Variants in IGF2BP3 observed in about 807,000 individuals in gnomAD.
IGF2BP3 encodes insulin like growth factor 2 mRNA binding protein 3, also known as insulin-like growth factor 2 mRNA-binding protein 3.
Under a neutral mutation model 73.8 loss-of-function variants are expected in IGF2BP3, and 9 were observed. That is an observed-to-expected ratio of 0.12 (90% CI 0.07 to 0.21). The LOEUF (loss-of-function observed/expected upper bound fraction) is 0.21, where lower values mean the gene tolerates loss of function less well. Among genes scored for constraint, IGF2BP3 ranks in the 10% least tolerant of loss-of-function variants. The pLI is 1.00. For synonymous variants in IGF2BP3, 258 were observed against 256.7 expected, an observed-to-expected ratio of 1.01 and a Z score of -0.05; for missense variants, 542 against 714.0, an observed-to-expected ratio of 0.76 and a Z score of 2.75.
chr7:23,401,323 G>A (rs1786655759), intron 3 of IGF2BP3, among the ~76,000 whole-genome samples: 2 of 152,258 alleles, frequency 1.3e-5, no homozygotes, highest in Admixed American at 6.5e-5. Flanking sequence ...CAACATCATG[G>A]CTGCCAGCAT....
In IGF2BP3 at chr7:23,317,595, G is replaced by T. The variant is rs140128712; in HGVS notation, c.1395+44C>A. 4.6e-4 allele frequency: 663 copies of T among 1,443,070 alleles called. 5 individuals carry two copies. The African/African-American group carries it at 8.2e-3, about 18-fold the overall frequency. 89.4% of individuals were successfully genotyped at this position (1,443,070 alleles called of 1,614,324 possible). ...AGACGCCAGGTTATGGACTACCTGT[G>T]CATTTGTTACCTGTGGACATAGCAC... On this transcript the variant is annotated intron_variant, in intron 12 of 14. Coordinates refer to ENST00000258729, the MANE Select transcript of IGF2BP3 (RefSeq NM_006547.3).
At chr7:23,454,398 G>A (rs1788268411) in intron 2 of IGF2BP3, among the ~76,000 whole-genome samples, 1 of 152,058 alleles carries the variant, frequency 6.6e-6, no homozygotes, top group South Asian at 2.1e-4. Context: ...ACACTCCTAT[G>A]TCTCCGTATA....
chr7:23,343,645 A>G, intron 9 of IGF2BP3, 73 bp downstream of exon 9: 2 of 1,397,242 alleles, frequency 1.4e-6, no homozygotes, highest in Non-Finnish European at 2.0e-6. Flanking sequence ...AAAGAATTCA[A>G]TATTAATGCA....
At chr7:23,468,127 G>T (rs1328139818) in intron 2 of IGF2BP3, among the ~76,000 whole-genome samples, 8 of 152,210 alleles carry the variant, frequency 5.3e-5, no homozygotes, top group Non-Finnish European at 1.2e-4. Flanking sequence ...AGGGGTGGGG[G>T]AATCATCCGC....
At chr7:23,427,914 G>A (rs989053038) in intron 2 of IGF2BP3, among the ~76,000 whole-genome samples, 4 of 152,018 alleles carry the variant, frequency 2.6e-5, no homozygotes, top group Non-Finnish European at 5.9e-5. Context: ...GGCTGAGGCA[G>A]AGAATTGCTT....
chr7:23,346,019 C>T lies in IGF2BP3; in HGVS notation c.862G>A (p.Val288Ile). Residue 288 changes from valine (V) to isoleucine (I), a missense_variant, in exon 8 of 15, where the codon GTT becomes ATT. By Grantham distance (29) the Val-to-Ile change is conservative. Transcript: ENST00000258729. Reference sequence around the variant, plus strand: ...CCTTCTTTACCAATAAGACGTCCAACAAAGTTATTATGAGCTAAAATCTTC... The same window carrying T: ...CCTTCTTTACCAATAAGACGTCCAATAAAGTTATTATGAGCTAAAATCTTC... ...PLKILAHNNFVGRLIGKEGRN... is the reference protein window; with the variant it reads ...PLKILAHNNFIGRLIGKEGRN... 1 of 1,613,694 alleles carries T rather than the reference C, an allele frequency of 6.2e-7. No individual in the cohort carries two copies. Among genetic ancestry groups the T allele is most frequent in the Non-Finnish European group, 8.5e-7 (1 of 1,179,994 alleles).
intron 10 of IGF2BP3, among the ~76,000 whole-genome samples, chr7:23,319,769 T>C (rs934074684): frequency 4.6e-5 from 7 of 152,188 alleles, no homozygotes; most frequent in East Asian, 1.9e-4. Flanking sequence ...TATGACTAAA[T>C]TGTATGAAAC....
rs188950377 is a variant in IGF2BP3, at chr7:23,344,602, C to T, written c.942-749G>A. Among the ~76,000 whole-genome samples the T allele has an allele frequency of 1.5e-3, 224 of 152,334 alleles. 1 individual carries two copies. Among genetic ancestry groups the T allele is most frequent in the Non-Finnish European group, 2.3e-3 (157 of 68,038 alleles). On this transcript the variant is annotated intron_variant, in intron 8 of 14. Transcript: ENST00000258729. The stretch of plus-strand genomic sequence containing the variant: ...AAACACCTAAGCCTATGCTGGTCAA[C>T]AGCCTTGAGAGGAAAAGCAATGGGA...
At chr7:23,334,228 T>C (rs1387052671) in intron 10 of IGF2BP3, among the ~76,000 whole-genome samples, 1 of 152,120 alleles carries the variant, frequency 6.6e-6, no homozygotes, top group Non-Finnish European at 1.5e-5. Flanking sequence ...CTCAGGAGGC[T>C]GAGGCAGGAG....
chr7:23,441,456 C>T (rs1052823024), intron 2 of IGF2BP3, among the ~76,000 whole-genome samples: 4 of 151,654 alleles, frequency 2.6e-5, no homozygotes, highest in African/African-American at 7.3e-5. Context: ...GCCTGTAGTT[C>T]CAGCTACTTG....
intron 6 of IGF2BP3, among the ~76,000 whole-genome samples, chr7:23,349,146 A>G (rs1329426511): frequency 1.3e-5 from 2 of 152,208 alleles, no homozygotes; most frequent in Non-Finnish European, 2.9e-5. Context: ...TAATAAGTAC[A>G]AGAAAGAAAA....
intron 3 of IGF2BP3, chr7:23,362,760 T>C (rs542820642): frequency 1.3e-5 from 2 of 152,292 alleles, no homozygotes; most frequent in Non-Finnish European, 2.9e-5. Flanking sequence ...ATTTATTTAT[T>C]TATTTATTTA....
Position 23,314,184 on chromosome 7 carries a change from ATTTT to A in IGF2BP3, c.1396-535_1396-532del, listed in dbSNP as rs564895732. On this transcript the variant is annotated intron_variant, in intron 12 of 14. Coordinates refer to ENST00000258729, the MANE Select transcript of IGF2BP3 (RefSeq NM_006547.3). ...AGGCATGCAACACCACACCTGACTTATTTTTTTTTTTTTTTTGAGACGGAGTCTT... is the reference window on the plus strand; with the variant it reads ...AGGCATGCAACACCACACCTGACTTATTTTTTTTTTTTGAGACGGAGTCTT... 5.3e-3 allele frequency among the ~76,000 whole-genome samples: 677 copies of A among 127,840 alleles called. 11 individuals are homozygous for A. Among genetic ancestry groups the A allele is most frequent in the African/African-American group, 0.018 (628 of 34,982 alleles). 83.9% of individuals were successfully genotyped at this position (127,840 alleles called of 152,430 possible).
intron 3 of IGF2BP3, among the ~76,000 whole-genome samples, chr7:23,386,539 G>A (rs1436748048): frequency 6.6e-6 from 1 of 152,194 alleles, no homozygotes; most frequent in Non-Finnish European, 1.5e-5. Context: ...AGTTAAAGTA[G>A]TATTAGACTA....
intron 10 of IGF2BP3, among the ~76,000 whole-genome samples, chr7:23,323,179 C>T (rs1784205426): frequency 6.6e-6 from 1 of 152,076 alleles, no homozygotes; most frequent in African/African-American, 2.4e-5. Flanking sequence ...GGAAACCCAT[C>T]ACGTGCAGAC....
At chr7:23,342,278 CTT>C (rs771295808) in intron 9 of IGF2BP3, 89 bp from the exon 10 acceptor site, 4 of 1,387,316 alleles carry the variant, frequency 2.9e-6, no homozygotes, top group African/African-American at 2.9e-5. Context: ...AAACTGATCT[CTT>C]GTCTAATAAA....
intron 12 of IGF2BP3, among the ~76,000 whole-genome samples, chr7:23,315,133 TA>T (rs151218845): frequency 0.016 from 2,482 of 151,906 alleles, 70 homozygotes; most frequent in African/African-American, 0.052. Context: ...TTTTTTATTT[TA>T]TTTTTTTTAG....
chr7:23,415,079 TC>T (rs1227057815), intron 3 of IGF2BP3: 1 of 203,898 alleles, frequency 4.9e-6, no homozygotes, highest in African/African-American at 2.5e-5. Flanking sequence ...CATCTGTCAG[TC>T]GGCTTTACCA....
At chr7:23,443,762 C>T (rs551326133) in intron 2 of IGF2BP3, among the ~76,000 whole-genome samples, 149 of 151,976 alleles carry the variant, frequency 9.8e-4, no homozygotes, top group African/African-American at 3.2e-3. Context: ...ATAATCTCAG[C>T]ACTTTGGGAG....
Sources: gnomAD v4.1 joint callset for allele counts (sites outside exome capture counted in the v4.1 genomes callset) on GRCh38, gnomAD v4.1.1 for gene constraint, MANE v1.5 for transcripts, NCBI Gene and HGNC (gene_info 2026-07-23, HGNC 2026-07-21) for gene names.